Variants in CPLX1 observed in about 807,000 individuals in gnomAD.
CPLX1 encodes complexin-1.
CPLX1 carries 6 observed loss-of-function variants against 15.6 expected under a neutral mutation model. That is an observed-to-expected ratio of 0.39 (90% CI 0.21 to 0.76). The LOEUF is 0.76. Among genes scored for constraint, CPLX1 ranks in the 30% least tolerant of loss-of-function variants. The pLI is 0.43. For missense variants in CPLX1, 242 were observed against 188.6 expected (o/e 1.28, Z -1.66); for synonymous variants, 91 against 75.2 (o/e 1.21, Z -1.08).
chr4:807,835 C>T (rs989428846), intron 2 of CPLX1, among the ~76,000 whole-genome samples: 2 of 152,106 alleles, frequency 1.3e-5, no homozygotes, highest in Non-Finnish European at 2.9e-5. Context: ...TTTATAATCT[C>T]ACCTGTCAAA....
intron 3 of CPLX1, chr4:788,319 G>A: frequency 1.0e-6 from 1 of 985,446 alleles, no homozygotes; most frequent in Non-Finnish European, 1.2e-6. Flanking sequence ...CCCTCCCCTA[G>A]GGCTGCAGGT....
At chr4:823,401 C>A (rs1221802563) in intron 2 of CPLX1, among the ~76,000 whole-genome samples, 1 of 152,202 alleles carries the variant, frequency 6.6e-6, no homozygotes, top group Non-Finnish European at 1.5e-5. Flanking sequence ...GGAAGCGGCG[C>A]CTGCCCTCTG....
Position 786,554 on chromosome 4 carries a change from C to T in CPLX1, c.352G>A (p.Asp118Asn). The part of the protein sequence containing the change: ...EVEEEDESIL[D>N]TVIKYLPGPL... ...CCGGGCAGGTACTTGATGACGGTGTCCAGGATGCTCTCGTCCTCCTCCTCC... is the reference window on the plus strand; with the variant it reads ...CCGGGCAGGTACTTGATGACGGTGTTCAGGATGCTCTCGTCCTCCTCCTCC... Residue 118 changes from aspartate to asparagine, a missense_variant, in exon 4 of 4, where the codon GAC becomes AAC. Coordinates refer to ENST00000304062, the MANE Select transcript of CPLX1 (RefSeq NM_006651.4). 1 of 1,608,910 alleles carries T rather than the reference C, an allele frequency of 6.2e-7. No individual in the cohort carries two copies.
intron 2 of CPLX1, among the ~76,000 whole-genome samples, chr4:798,926 A>G (rs1746399603): frequency 6.6e-6 from 1 of 152,258 alleles, no homozygotes. Flanking sequence ...AAAAGCATAA[A>G]TCTTAAAAAG....
chr4:818,147 G>A (rs1373887215), intron 2 of CPLX1, among the ~76,000 whole-genome samples: 4 of 152,328 alleles, frequency 2.6e-5, no homozygotes, highest in South Asian at 2.1e-4. Flanking sequence ...CCTGCTGCCC[G>A]AGAGGCCCCA....
intron 2 of CPLX1, among the ~76,000 whole-genome samples, chr4:816,969 C>T (rs933881050): frequency 4.6e-5 from 7 of 152,170 alleles, no homozygotes; most frequent in Admixed American, 2.0e-4. Flanking sequence ...TCAAAGAGCA[C>T]GCACATTCCA....
At chr4:818,897 GC>G (rs780175135) in intron 2 of CPLX1, among the ~76,000 whole-genome samples, 26 of 152,354 alleles carry the variant, frequency 1.7e-4, no homozygotes, top group Middle Eastern at 3.4e-3. Context: ...GTGGGGCCTC[GC>G]CTCATCCCGG....
chr4:800,541 C>T (rs1441975878), intron 2 of CPLX1, among the ~76,000 whole-genome samples: 1 of 124,734 alleles, frequency 8.0e-6, no homozygotes, highest in African/African-American at 3.6e-5. Flanking sequence ...TACATACACA[C>T]ACATGTATGT....
Position 786,613 on chromosome 4 carries a change from T to C in CPLX1, c.293A>G (p.Lys98Arg). 1 of 1,612,546 alleles carries C rather than the reference T, an allele frequency of 6.2e-7. No individual in the cohort carries two copies. The highest frequency in any genetic ancestry group is 8.5e-7 in the Non-Finnish European group (1 of 1,179,432). ...ANSEGSLTRP[K>R]KAIPPGCGDE... Reference sequence around the variant, plus strand: ...CCCGCAGCCCGGCGGGATGGCCTTCTTGGGCCGCGTCAAGCTCCCCTCGGA... The same window carrying C: ...CCCGCAGCCCGGCGGGATGGCCTTCCTGGGCCGCGTCAAGCTCCCCTCGGA... Residue 98 changes from lysine to arginine, a missense_variant, in exon 4 of 4, where the codon AAG (lysine) becomes AGG (arginine). Lys to Arg is a conservative substitution (Grantham distance 26). Transcript: ENST00000304062.
At chr4:804,160 G>C (rs1440616136) in intron 2 of CPLX1, among the ~76,000 whole-genome samples, 1 of 152,192 alleles carries the variant, frequency 6.6e-6, no homozygotes, top group Non-Finnish European at 1.5e-5. Flanking sequence ...CCACAGCCAC[G>C]AACGTATTCC....
At chr4:818,238 G>A (rs1170736708) in intron 2 of CPLX1, among the ~76,000 whole-genome samples, 2 of 152,226 alleles carry the variant, frequency 1.3e-5, no homozygotes, top group East Asian at 1.9e-4. Context: ...CTGGAGAGGT[G>A]TTGCAGCACC....
chr4:787,017 G>T (rs1270155725), intron 3 of CPLX1: 3 of 985,218 alleles, frequency 3.0e-6, no homozygotes, highest in Non-Finnish European at 3.6e-6. Flanking sequence ...CTGGCATCCT[G>T]CCTTCCAGGA....
In CPLX1 at chr4:792,561, CCTT is replaced by C. The variant is rs1746215715; in HGVS notation, c.76_78del (p.Lys26del). The C allele has an allele frequency of 1.9e-6, 3 of 1,613,414 alleles. No homozygotes were observed. Among genetic ancestry groups the C allele is most frequent in the Non-Finnish European group, 2.5e-6 (3 of 1,179,694 alleles). ...TCCTCCTTCTTGGCGGCGTCTGGGT[CCTT>C]CTCCTCGTCACCCCCCAGCATCTTC... On this transcript the variant is annotated inframe_deletion, in exon 3 of 4. Transcript: ENST00000304062.
chr4:800,620 C>CA lies in CPLX1; in HGVS notation c.32-8013_32-8012insT, dbSNP rs1746433436. Among the ~76,000 whole-genome samples, 13 of 138,068 alleles carry CA rather than the reference C, an allele frequency of 9.4e-5. 1 individual carries two copies. The South Asian group carries it at 3.0e-3, about 32-fold the overall frequency. 90.6% of individuals were successfully genotyped at this position (138,068 alleles called of 152,430 possible). A position where few individuals can be genotyped will look rare whatever the true frequency, so the allele number is the denominator to read the frequency against. ...TATATATATTAGCCAGACATGGTGA[C>CA]GGGCAACCGTAATCCCAGCACTTTG... On this transcript the variant is annotated intron_variant, in intron 2 of 3. Transcript: ENST00000304062.
At chr4:787,270 T>C in intron 3 of CPLX1, 3 of 985,312 alleles carry the variant, frequency 3.0e-6, no homozygotes, top group Non-Finnish European at 3.6e-6. Context: ...TTCCAGGCAC[T>C]GGGTGTCCTG....
intron 2 of CPLX1, among the ~76,000 whole-genome samples, chr4:814,063 AT>A (rs1746707057): frequency 2.0e-5 from 3 of 152,180 alleles, no homozygotes; most frequent in Admixed American, 2.0e-4. Flanking sequence ...GCGGCCAGAC[AT>A]GTGAACTCAG....
At chr4:786,918 G>C in intron 3 of CPLX1, 1 of 975,586 alleles carries the variant, frequency 1.0e-6, no homozygotes, top group Non-Finnish European at 1.2e-6. Context: ...GAGCTGACAT[G>C]GGGGGGAGCA....
At chr4:815,111 T>C (rs914454668) in intron 2 of CPLX1, among the ~76,000 whole-genome samples, 17 of 152,238 alleles carry the variant, frequency 1.1e-4, no homozygotes, top group African/African-American at 3.6e-4. Context: ...GTTGAAGTGT[T>C]AGAAGATAAA....
intron 2 of CPLX1, among the ~76,000 whole-genome samples, chr4:799,240 G>A (rs1303344544): frequency 6.6e-6 from 1 of 152,254 alleles, no homozygotes; most frequent in Admixed American, 6.5e-5. Flanking sequence ...GAGAGGCCAA[G>A]AGGAATCTGG....
Sources: allele counts gnomAD v4.1 joint callset (sites outside exome capture counted in the v4.1 genomes callset), GRCh38; gene constraint gnomAD v4.1.1; transcripts MANE v1.5; gene names NCBI Gene and HGNC (gene_info 2026-07-23, HGNC 2026-07-21).